Variants in DMD observed in about 807,000 individuals in gnomAD.
The protein encoded by DMD is dystrophin, also known as mutant dystrophin.
In DMD, 63 loss-of-function variants were observed where a neutral mutation model predicts 330.1. That is an observed-to-expected ratio of 0.19 (90% CI 0.16 to 0.24). The LOEUF (loss-of-function observed/expected upper bound fraction) is 0.24, where lower values mean the gene tolerates loss of function less well. Among genes scored for constraint, DMD ranks in the 10% least tolerant of loss-of-function variants. The probability of loss-of-function intolerance (pLI) is 1.00; values close to 1 mark genes in which losing one functional copy is unlikely to be tolerated. For missense variants in DMD, 3,344 were observed against 2,684.1 expected (o/e 1.25, Z -5.43); for synonymous variants, 1,223 against 959.8 (o/e 1.27, Z -5.07).
chrX:32,892,997 T>C (rs928495939), intron 2 of DMD, among the ~76,000 whole-genome samples: 3 of 112,063 alleles, frequency 2.7e-5, no homozygotes, highest in Non-Finnish European at 5.6e-5. Flanking sequence ...GTAAAAATCA[T>C]GTATCATTAG....
At chrX:31,469,658 C>T (rs1161292432) in intron 59 of DMD, among the ~76,000 whole-genome samples, 2 of 111,191 alleles carry the variant, frequency 1.8e-5, no homozygotes, top group African/African-American at 6.6e-5. Context: ...TTGGGTTGCT[C>T]TTCTCAAGGA....
intron 51 of DMD, 35 bp downstream of exon 51, chrX:31,773,925 A>G: frequency 6.9e-6 from 8 of 1,165,942 alleles, no homozygotes; most frequent in Non-Finnish European, 9.4e-6. Context: ...TTTTAAAGAA[A>G]AACTTCTGCC....
chrX:32,791,770 T>C (rs868848771), intron 7 of DMD, among the ~76,000 whole-genome samples: 1 of 112,026 alleles, frequency 8.9e-6, no homozygotes. Context: ...TTGCATTTTT[T>C]ATGTCCTAGA....
intron 55 of DMD, among the ~76,000 whole-genome samples, chrX:31,577,998 T>C (rs1391017758): frequency 9.0e-6 from 1 of 111,634 alleles, no homozygotes; most frequent in Admixed American, 9.5e-5. Context: ...ATGATATATA[T>C]TAATATTATA....
intron 43 of DMD, among the ~76,000 whole-genome samples, chrX:32,244,941 G>A (rs2097227239): frequency 1.3e-5 from 1 of 74,517 alleles, no homozygotes; most frequent in Admixed American, 1.7e-4. Flanking sequence ...AGTTTCTTTT[G>A]CTGTGCAGAA....
At chrX:31,934,053 T>C (rs2094892975) in intron 45 of DMD, among the ~76,000 whole-genome samples, 1 of 111,512 alleles carries the variant, frequency 9.0e-6, no homozygotes, top group African/African-American at 3.3e-5. Flanking sequence ...GATATATACG[T>C]TATATACCTT....
intron 60 of DMD, among the ~76,000 whole-genome samples, chrX:31,437,291 T>C (rs895457830): frequency 1.8e-5 from 2 of 111,927 alleles, no homozygotes; most frequent in African/African-American, 6.5e-5. Flanking sequence ...CTACAGACAA[T>C]GCTTGATGCA....
At chrX:31,866,298 TG>T (rs1328912450) in intron 48 of DMD, among the ~76,000 whole-genome samples, 1 of 111,566 alleles carries the variant, frequency 9.0e-6, no homozygotes, top group East Asian at 2.8e-4. Context: ...CTGCCACTAC[TG>T]GGGGCTCTGG....
At chrX:32,075,408 T>G (rs1016935880) in intron 44 of DMD, among the ~76,000 whole-genome samples, 4 of 111,993 alleles carry the variant, frequency 3.6e-5, no homozygotes. Context: ...GAAACACATT[T>G]TCGTGCTTTC....
intron 47 of DMD, among the ~76,000 whole-genome samples, chrX:31,902,701 T>C (rs1337187393): frequency 9.0e-6 from 1 of 111,697 alleles, no homozygotes; most frequent in Non-Finnish European, 1.9e-5. Context: ...TTGTTGAACA[T>C]CTCCTAGGTA....
intron 30 of DMD, among the ~76,000 whole-genome samples, chrX:32,399,214 C>G (rs1243698129): frequency 9.0e-6 from 1 of 111,592 alleles, no homozygotes; most frequent in Non-Finnish European, 1.9e-5. Context: ...GCACAGGCAA[C>G]CAAAGCAAAA....
chrX:31,144,565 C>A (rs765661571), intron 76 of DMD, among the ~76,000 whole-genome samples: 68 of 112,311 alleles, frequency 6.1e-4, no homozygotes, highest in African/African-American at 1.9e-3. Context: ...TTGGTTAAGG[C>A]ACTTTGCCTC....
At chrX:33,217,312 A>G (rs2052075188) in intron 1 of DMD, among the ~76,000 whole-genome samples, 1 of 111,803 alleles carries the variant, frequency 8.9e-6, no homozygotes, top group African/African-American at 3.2e-5. Flanking sequence ...CCAAATAGAC[A>G]AAAATGTTTC....
intron 59 of DMD, among the ~76,000 whole-genome samples, chrX:31,445,547 T>C (rs1327270857): frequency 1.8e-5 from 2 of 112,112 alleles, no homozygotes; most frequent in Admixed American, 1.9e-4. Flanking sequence ...GAAAGATATA[T>C]TCAGTCATAA....
chrX:32,249,083 A>G (rs2097253301), intron 43 of DMD, among the ~76,000 whole-genome samples: 1 of 111,469 alleles, frequency 9.0e-6, no homozygotes, highest in Admixed American at 9.6e-5. Flanking sequence ...CCAGCCTAGG[A>G]GAATTCTCAT....
intron 11 of DMD, among the ~76,000 whole-genome samples, chrX:32,632,599 T>G (rs112295349): frequency 0.13 from 15,052 of 112,023 alleles, 877 homozygotes; most frequent in African/African-American, 0.23. Context: ...TCTAGATGGA[T>G]GTTCCCAAGC....
chrX:33,184,730 T>C (rs1212145191), intron 1 of DMD, among the ~76,000 whole-genome samples: 2 of 92,228 alleles, frequency 2.2e-5, no homozygotes, highest in African/African-American at 4.0e-5. Context: ...CTTTTTTTTT[T>C]TTTTTTTTTT....
chrX:31,495,532 A>G (rs1278840590), intron 57 of DMD, among the ~76,000 whole-genome samples: 1 of 112,167 alleles, frequency 8.9e-6, no homozygotes, highest in African/African-American at 3.2e-5. Flanking sequence ...AGAAATGTAA[A>G]TAAAAATAAA....
At chrX:31,256,855 G>A (rs183509257) in intron 63 of DMD, among the ~76,000 whole-genome samples, 46 of 109,709 alleles carry the variant, frequency 4.2e-4, no homozygotes, top group African/African-American at 1.5e-3. Flanking sequence ...TGGAATGGGG[G>A]TATCGACGAA....
Sources: gnomAD v4.1 joint callset for allele counts (sites outside exome capture counted in the v4.1 genomes callset) on GRCh38, gnomAD v4.1.1 for gene constraint, MANE v1.5 for transcripts, NCBI Gene and HGNC (gene_info 2026-07-23, HGNC 2026-07-21) for gene names.